Variants in GLIS3 observed in about 807,000 individuals in gnomAD.
The protein encoded by GLIS3 is zinc finger protein GLIS3.
In GLIS3, 53 loss-of-function variants were observed where a neutral mutation model predicts 78.6. That is an observed-to-expected ratio of 0.67 (90% CI 0.54 to 0.85). GLIS3 has a LOEUF of 0.85. Ranked by LOEUF, GLIS3 falls within the 40% of genes least tolerant of loss-of-function variation. The pLI is 0.00. For synonymous variants in GLIS3, 684 were observed against 509.9 expected (o/e 1.34, Z -4.60); for missense variants, 1,703 against 1,231.1 (o/e 1.38, Z -5.74).
the GLIS3 span, among the ~76,000 whole-genome samples, chr9:4,456,237 C>T: frequency 1.3e-5 from 2 of 152,050 alleles, no homozygotes; most frequent in Non-Finnish European, 2.9e-5. Flanking sequence ...TCATGTGAGC[C>T]CTCAGAAAGT....
In GLIS3 at chr9:3,829,451, G is replaced by C. The variant is rs762792638; in HGVS notation, c.2515C>G (p.Pro839Ala). The C allele has an allele frequency of 6.2e-7, 1 of 1,614,106 alleles. No homozygotes were observed. The highest frequency in any genetic ancestry group is 1.7e-5 in the Admixed American group (1 of 60,020). The change falls in exon 10 of 11, where the codon CCC (proline) becomes GCC (alanine). Residue 839 changes from proline to alanine, a missense_variant. By Grantham distance (27) the Pro-to-Ala change is conservative (BLOSUM62 -1). Transcript: ENST00000381971. ...GGCGGCACAATTCTCTGGGAATCGG[G>C]GTAGTGTGGGGGACAGAACTTCTGC... Reference protein sequence around the residue: ...QLQKFCPPHYPDSQRIVPPVS... With the variant: ...QLQKFCPPHYADSQRIVPPVS...
the GLIS3 span, among the ~76,000 whole-genome samples, chr9:4,373,050 A>C: frequency 6.6e-6 from 1 of 152,198 alleles, no homozygotes; most frequent in Non-Finnish European, 1.5e-5. Context: ...TGGAATATTA[A>C]ATGGCCTATC....
intron 2 of GLIS3, among the ~76,000 whole-genome samples, chr9:4,183,881 T>C (rs904284497): frequency 1.3e-5 from 2 of 152,196 alleles, no homozygotes; most frequent in South Asian, 2.1e-4. Context: ...CAGAGAACTA[T>C]AAATGATCCT....
At chr9:3,908,497 C>G in intron 6 of GLIS3, among the ~76,000 whole-genome samples, 1 of 152,126 alleles carries the variant, frequency 6.6e-6, no homozygotes, top group African/African-American at 2.4e-5. Flanking sequence ...TATCCAGTTG[C>G]AAGTAAACAA....
the GLIS3 span, among the ~76,000 whole-genome samples, chr9:4,421,198 ATC>A: frequency 2.0e-5 from 3 of 152,184 alleles, no homozygotes; most frequent in African/African-American, 4.8e-5. Flanking sequence ...GGCTGAAATA[ATC>A]TCTGTCATAT....
Position 4,118,946 on chromosome 9 carries a change from T to C in GLIS3, c.597-65A>G. 6.6e-7 allele frequency: 1 copy of C among 1,522,764 alleles called. No homozygotes were observed. The highest frequency in any genetic ancestry group is 1.2e-5 in the South Asian group (1 of 85,132). The allele number at this position is 1,522,764 out of a possible 1,614,324, so 94.3% of individuals were successfully genotyped here. A position where few individuals can be genotyped will look rare whatever the true frequency, so the allele number is the denominator to read the frequency against. On this transcript the variant is annotated intron_variant, in intron 3 of 10. Transcript: ENST00000381971. This position sits in a 1 kb window ranked among gnomAD's most constrained non-coding sequence, Gnocchi z 4.7. ...ACATTTTAGCAGGATACGGATTGCTTAAGAGCTAAAAGAACACTGCATTGA... is the reference window on the plus strand; with the variant it reads ...ACATTTTAGCAGGATACGGATTGCTCAAGAGCTAAAAGAACACTGCATTGA...
the GLIS3 span, among the ~76,000 whole-genome samples, chr9:4,470,799 A>G: frequency 2.0e-5 from 3 of 152,032 alleles, no homozygotes; most frequent in East Asian, 3.9e-4. Context: ...AATTAGGAAA[A>G]GAGGAAGTCA....
intron 4 of GLIS3, among the ~76,000 whole-genome samples, chr9:4,019,671 G>A (rs1480003475): frequency 6.6e-6 from 1 of 152,084 alleles, no homozygotes; most frequent in Non-Finnish European, 1.5e-5. Flanking sequence ...ATTAGAGTAG[G>A]GTAAGGGAGA....
chr9:4,383,280 G>C, the GLIS3 span, among the ~76,000 whole-genome samples: 1 of 152,192 alleles, frequency 6.6e-6, no homozygotes, highest in Non-Finnish European at 1.5e-5. Flanking sequence ...ACTCCAACCA[G>C]ATTGCATTTT....
chr9:4,245,813 T>C (rs1291913103), intron 2 of GLIS3, among the ~76,000 whole-genome samples: 1 of 152,222 alleles, frequency 6.6e-6, no homozygotes, highest in Admixed American at 6.5e-5. Flanking sequence ...TAAAGTGCCC[T>C]GTATTGATGC....
At chr9:4,285,851 A>C in intron 2 of GLIS3, 187 bp downstream of exon 2, 1 of 677,830 alleles carries the variant, frequency 1.5e-6, no homozygotes, top group Admixed American at 2.3e-5. Context: ...AGCATTTACC[A>C]CTGTGGTCCC....
At chr9:3,934,504 A>C (rs1001932352) in intron 5 of GLIS3, among the ~76,000 whole-genome samples, 17 of 150,370 alleles carry the variant, frequency 1.1e-4, no homozygotes, top group Admixed American at 1.1e-3. Context: ...CCGCCTCCCG[A>C]GTTTAAGCGA....
chr9:4,377,965 T>C, the GLIS3 span, among the ~76,000 whole-genome samples: 1 of 152,294 alleles, frequency 6.6e-6, no homozygotes, highest in South Asian at 2.1e-4. Flanking sequence ...GTCTATAAGA[T>C]TGTAAAGCAT....
At chr9:4,252,901 C>A (rs1364792128) in intron 2 of GLIS3, among the ~76,000 whole-genome samples, 1 of 152,182 alleles carries the variant, frequency 6.6e-6, no homozygotes, top group African/African-American at 2.4e-5. Context: ...TTTGCTGGAG[C>A]TCCACTCCAG....
intron 4 of GLIS3, among the ~76,000 whole-genome samples, chr9:4,003,863 C>G (rs953221948): frequency 1.3e-5 from 2 of 152,120 alleles, no homozygotes; most frequent in African/African-American, 4.8e-5. Flanking sequence ...CATGGATTAC[C>G]CTATGAGATT....
chr9:4,272,363 T>A (rs1826590432), intron 2 of GLIS3, among the ~76,000 whole-genome samples: 1 of 152,118 alleles, frequency 6.6e-6, no homozygotes, highest in Non-Finnish European at 1.5e-5. Context: ...TCACTCCCAA[T>A]TGCCAAGAAC....
At chr9:4,281,467 C>A (rs1827543002) in intron 2 of GLIS3, among the ~76,000 whole-genome samples, 1 of 152,188 alleles carries the variant, frequency 6.6e-6, no homozygotes, top group Non-Finnish European at 1.5e-5. Flanking sequence ...CTCCCAGCAA[C>A]CACCACTCTT....
intron 3 of GLIS3, among the ~76,000 whole-genome samples, chr9:4,310,231 T>C (rs951127928): frequency 1.3e-5 from 2 of 152,212 alleles, no homozygotes; most frequent in Admixed American, 1.3e-4. Context: ...GATGGGCCTT[T>C]TTCTTACTGA....
rs543811352 is a variant in GLIS3, at chr9:4,238,520, G to A, written c.388+47518C>T. 2.6e-5 allele frequency among the ~76,000 whole-genome samples: 4 copies of A among 152,280 alleles called. No individual in the cohort carries two copies. The South Asian group carries it at 6.2e-4, about 24-fold the overall frequency. ...GTGCCAAATATGCCCCCAACTTACA[G>A]TGCTAAAACCACCGTGGCTACCTGA... On this transcript the variant is annotated intron_variant, in intron 2 of 10. Coordinates refer to ENST00000381971, the MANE Select transcript of GLIS3 (RefSeq NM_001042413.2).
Sources: gnomAD v4.1 joint callset for allele counts (sites outside exome capture counted in the v4.1 genomes callset) on GRCh38, gnomAD v4.1.1 for gene constraint, Gnocchi (gnomAD v3.1) non-coding constraint, MANE v1.5 for transcripts, NCBI Gene and HGNC (gene_info 2026-07-23, HGNC 2026-07-21) for gene names.